Variants in CADM2 observed in about 807,000 individuals in gnomAD.
The protein encoded by CADM2 is cell adhesion molecule 2, also known as immunoglobulin superfamily member 4D.
Under a neutral mutation model 49.8 loss-of-function variants are expected in CADM2, and 12 were observed. The ratio of observed to expected loss-of-function variants is 0.24; its 90% CI spans 0.15 to 0.39. CADM2 has a LOEUF of 0.39. Among genes scored for constraint, CADM2 ranks in the 10% least tolerant of loss-of-function variants. The probability of loss-of-function intolerance (pLI) is 1.00; values close to 1 mark genes in which losing one functional copy is unlikely to be tolerated. For missense variants in CADM2, 378 were observed against 492.3 expected, an observed-to-expected ratio of 0.77 and a Z score of 2.20; for synonymous variants, 214 against 175.4, an observed-to-expected ratio of 1.22 and a Z score of -1.74.
At chr3:85,748,821 C>T (rs1357114209) in intron 2 of CADM2, among the ~76,000 whole-genome samples, 2 of 152,034 alleles carry the variant, frequency 1.3e-5, no homozygotes, top group Admixed American at 6.6e-5. Flanking sequence ...AGCAACTAGT[C>T]ATCTGTAAGT....
chr3:86,034,019 G>T (rs925873882), intron 8 of CADM2, among the ~76,000 whole-genome samples: 4 of 151,530 alleles, frequency 2.6e-5, no homozygotes, highest in African/African-American at 9.7e-5. Context: ...GAATACTAGG[G>T]AATCCTAACC....
chr3:86,062,721 G>T (rs1157667648), intron 8 of CADM2, among the ~76,000 whole-genome samples: 1 of 152,216 alleles, frequency 6.6e-6, no homozygotes, highest in East Asian at 1.9e-4. Context: ...TCCCTGGGAG[G>T]TGGAGGTTGC....
intron 1 of CADM2, among the ~76,000 whole-genome samples, chr3:85,226,489 C>A (rs752846769): frequency 6.6e-6 from 1 of 151,816 alleles, no homozygotes; most frequent in Non-Finnish European, 1.5e-5. Flanking sequence ...CATTTTTTAT[C>A]GCACCTATTT....
intron 1 of CADM2, among the ~76,000 whole-genome samples, chr3:85,194,529 G>T (rs1340222774): frequency 6.6e-6 from 1 of 152,056 alleles, no homozygotes; most frequent in Non-Finnish European, 1.5e-5. Flanking sequence ...TATTTCTAAT[G>T]ATGGAGATCT....
intron 2 of CADM2, among the ~76,000 whole-genome samples, chr3:85,784,540 ATCTATCTATC>A (rs777008015): frequency 0.041 from 4,385 of 108,252 alleles, 97 homozygotes; most frequent in Non-Finnish European, 0.053. Context: ...TTATCTATCT[ATCTATCTATC>A]TATCTATCTA....
chr3:85,545,096 A>G lies in CADM2; in HGVS notation c.62-181426A>G, dbSNP rs142298170. 1.7e-3 allele frequency among the ~76,000 whole-genome samples: 253 copies of G among 152,298 alleles called. 2 individuals are homozygous for G. Among genetic ancestry groups the G allele is most frequent in the African/African-American group, 5.6e-3 (232 of 41,566 alleles). On this transcript the variant is annotated intron_variant, in intron 1 of 9. Coordinates refer to ENST00000383699, the MANE Select transcript of CADM2 (RefSeq NM_001167675.2). ...GCACAATGTGTCTTTAAAAGACACA[A>G]CGGAAGAAAGCATGCTGATGTGTTA...
intron 8 of CADM2, among the ~76,000 whole-genome samples, chr3:86,017,854 C>A (rs1732502363): frequency 1.3e-5 from 2 of 148,704 alleles, no homozygotes; most frequent in South Asian, 2.1e-4. Flanking sequence ...TTTATAAAGT[C>A]TTTTATTTAT....
At chr3:85,568,417 T>TTCTCTCTC (rs2062344483) in intron 1 of CADM2, among the ~76,000 whole-genome samples, 2 of 30,778 alleles carry the variant, frequency 6.5e-5, no homozygotes, top group Admixed American at 4.5e-4. Context: ...CTTTCTTTCT[T>TTCTCTCTC]TCTTTCTTTC....
At chr3:85,422,970 T>A (rs763070652) in intron 1 of CADM2, among the ~76,000 whole-genome samples, 15 of 152,140 alleles carry the variant, frequency 9.9e-5, no homozygotes, top group Admixed American at 2.0e-4. Flanking sequence ...CAGTGCATCC[T>A]GAATTCTTCT....
intron 1 of CADM2, among the ~76,000 whole-genome samples, chr3:85,719,060 C>A (rs2067406856): frequency 6.6e-6 from 1 of 151,666 alleles, no homozygotes; most frequent in African/African-American, 2.4e-5. Context: ...TTACAGGTGC[C>A]CGCCACCACG....
At chr3:85,549,374 A>C (rs1274979894) in intron 1 of CADM2, among the ~76,000 whole-genome samples, 1 of 152,202 alleles carries the variant, frequency 6.6e-6, no homozygotes, top group Non-Finnish European at 1.5e-5. Context: ...TCTGATACAC[A>C]CAGGTGTTTG....
intron 1 of CADM2, among the ~76,000 whole-genome samples, chr3:84,988,623 TC>T (rs2032718651): frequency 6.6e-6 from 1 of 152,160 alleles, no homozygotes; most frequent in Non-Finnish European, 1.5e-5. Context: ...ATTGGCCACC[TC>T]CTTTTTTTTC....
chr3:85,086,016 C>T (rs1025190618), intron 1 of CADM2, among the ~76,000 whole-genome samples: 2 of 151,908 alleles, frequency 1.3e-5, no homozygotes, highest in Middle Eastern at 3.2e-3. Context: ...TGAAAAATTA[C>T]GAAGATGTTT....
intron 1 of CADM2, among the ~76,000 whole-genome samples, chr3:85,010,817 T>C (rs1559615365): frequency 6.6e-6 from 1 of 151,258 alleles, no homozygotes; most frequent in African/African-American, 2.4e-5. Context: ...ACCAAACATT[T>C]TTCTTTAATT....
chr3:85,756,747 G>A (rs1046460714), intron 2 of CADM2, among the ~76,000 whole-genome samples: 1 of 151,982 alleles, frequency 6.6e-6, no homozygotes, highest in Non-Finnish European at 1.5e-5. Context: ...TAACTTTTTA[G>A]TCTTTTTAAT....
chr3:85,993,685 T>A (rs1729044411), intron 8 of CADM2: 1 of 152,172 alleles, frequency 6.6e-6, no homozygotes, highest in Non-Finnish European at 1.5e-5. Flanking sequence ...GGATGTTGTG[T>A]TTAACAGGCA....
At chr3:85,359,666 A>ATTTTTTTTTT (rs869151718) in intron 1 of CADM2, among the ~76,000 whole-genome samples, 17 of 26,528 alleles carry the variant, frequency 6.4e-4, no homozygotes, top group East Asian at 1.3e-3. Flanking sequence ...ATATATATAT[A>ATTTTTTTTTT]TTTTTTTTTT....
intron 1 of CADM2, among the ~76,000 whole-genome samples, chr3:85,491,947 C>CAAAAA (rs11392788): frequency 1.5e-5 from 2 of 134,596 alleles, no homozygotes; most frequent in Admixed American, 7.3e-5. Flanking sequence ...GAGACTGTCT[C>CAAAAA]AAAAAAAAAA....
intron 1 of CADM2, among the ~76,000 whole-genome samples, chr3:85,259,688 A>G (rs1447983363): frequency 6.6e-6 from 1 of 152,118 alleles, no homozygotes; most frequent in Non-Finnish European, 1.5e-5. Context: ...CAATTATCCA[A>G]ATCACTCAAA....
Sources: gnomAD v4.1 joint callset for allele counts (sites outside exome capture counted in the v4.1 genomes callset) on GRCh38, gnomAD v4.1.1 for gene constraint, MANE v1.5 for transcripts, NCBI Gene and HGNC (gene_info 2026-07-23, HGNC 2026-07-21) for gene names.